The following VWA5B2 variants were observed in gnomAD, a reference collection of about 807,000 sequenced individuals.
VWA5B2 encodes the protein von Willebrand factor A domain containing 5B2.
In VWA5B2, 93 loss-of-function variants were observed where a neutral mutation model predicts 118.5. The ratio of observed to expected loss-of-function variants is 0.79; its 90% CI spans 0.66 to 0.93. VWA5B2 has a LOEUF of 0.93. Ranked by LOEUF, VWA5B2 falls within the 40% of genes least tolerant of loss-of-function variation. The pLI is 0.00. For synonymous variants in VWA5B2, 708 were observed against 716.3 expected, an observed-to-expected ratio of 0.99 and a Z score of 0.19; for missense variants, 1,546 against 1,672.8, an observed-to-expected ratio of 0.92 and a Z score of 1.32.
At position 184,241,975 on chromosome 3, in the gene VWA5B2, A is replaced by C; in HGVS notation, c.3666A>C (p.Leu1222=). 1 of 1,550,284 alleles carries C rather than the reference A, an allele frequency of 6.5e-7. No individual in the cohort carries two copies. The highest frequency in any genetic ancestry group is 1.4e-5 in the African/African-American group (1 of 73,158). Residue 1222 remains leucine (L), a synonymous_variant, in exon 20 of 20, where the codon CTA becomes CTC. Transcript: ENST00000691901. The surrounding 1 kb of genome is among the most constrained non-coding windows in gnomAD (Gnocchi z 5.1). The part of the protein sequence containing the change: ...LKAAARGLFL[L]LRHWDQNLQL... ...CCGCAGCCCGAGGGCTCTTCCTGCT[A>C]CTGCGCCACTGGGACCAAAACCTGC...
Position 184,236,526 on chromosome 3 carries a change from A to G in VWA5B2, c.1396A>G (p.Met466Val). 1 of 1,549,538 alleles carries G rather than the reference A, an allele frequency of 6.5e-7. No homozygotes were observed. Reference protein sequence around the residue: ...AATTHRTLELMRWHRGTARCF... With the variant: ...AATTHRTLELVRWHRGTARCF... Reference sequence around the variant, plus strand: ...CACTACCCACCGAACCCTGGAGCTCATGAGGTGGCACAGGGGGACAGCCAG... The same window carrying G: ...CACTACCCACCGAACCCTGGAGCTCGTGAGGTGGCACAGGGGGACAGCCAG... Residue 466 changes from methionine to valine, a missense_variant, in exon 10 of 20, where the codon ATG becomes GTG. By Grantham distance (21) the Met-to-Val change is conservative. Transcript: ENST00000691901.
chr3:184,231,712 C>T (rs980899410), intron 3 of VWA5B2, among the ~76,000 whole-genome samples: 1 of 152,250 alleles, frequency 6.6e-6, no homozygotes, highest in Non-Finnish European at 1.5e-5. Context: ...AGAAGCCCAG[C>T]CCTGTGCTGT....
Position 184,237,383 on chromosome 3 carries a change from T to C in VWA5B2, c.1691T>C (p.Val564Ala). The change falls in exon 12 of 20, where the codon GTG becomes GCG. Residue 564 changes from valine to alanine, a missense_variant. Transcript: ENST00000691901. The surrounding 1 kb of genome is among the most constrained non-coding windows in gnomAD (Gnocchi z 5.6). Reference protein sequence around the residue: ...QLLGYCSLFRVDGFRSRPPGG... With the variant: ...QLLGYCSLFRADGFRSRPPGG... ...CTCGGTTACTGCTCACTCTTCAGGG[T>C]GGATGGCTTCCGGTCCCGCCCACCA... 2 of 1,550,302 alleles carry C rather than the reference T, an allele frequency of 1.3e-6. No homozygotes were observed. Among genetic ancestry groups the C allele is most frequent in the Non-Finnish European group, 1.7e-6 (2 of 1,146,386 alleles).
At chr3:184,235,039 A>C in intron 7 of VWA5B2, 114 bp from the exon 8 acceptor site, 1 of 1,305,884 alleles carries the variant, frequency 7.7e-7, no homozygotes, top group Non-Finnish European at 1.0e-6. Flanking sequence ...CTACAAAAAG[A>C]TGTCCCCTCT....
In VWA5B2 at chr3:184,234,437, C is replaced by T. The variant is rs1258117542; in HGVS notation, c.820+40C>T. ...CACACCGTGGGCCGGCTCTGACCTG[C>T]TTCTACATGAATGGGGGAAGCATTT... On this transcript the variant is annotated intron_variant, in intron 6 of 19. Coordinates refer to ENST00000691901, the MANE Select transcript of VWA5B2 (RefSeq NM_001390846.1). 5.8e-6 allele frequency: 9 copies of T among 1,547,762 alleles called. No individual in the cohort carries two copies. The Admixed American group carries it at 1.6e-4, about 27-fold the overall frequency.
At chr3:184,236,836 C>G (rs1265611557) in intron 11 of VWA5B2, 87 bp downstream of exon 11, 3 of 1,185,074 alleles carry the variant, frequency 2.5e-6, no homozygotes, top group Middle Eastern at 4.0e-4. Context: ...CTCAGGCAGG[C>G]CATGGGGGCT....
In VWA5B2 at chr3:184,241,684, C is replaced by T; in HGVS notation, c.3375C>T (p.Ser1125=). The T allele has an allele frequency of 6.6e-7, 1 of 1,522,280 alleles. No individual in the cohort carries two copies. The highest frequency in any genetic ancestry group is 8.8e-7 in the Non-Finnish European group (1 of 1,136,592). 94.3% of individuals were successfully genotyped at this position (1,522,280 alleles called of 1,614,324 possible). The stretch of plus-strand genomic sequence containing the variant: ...GCCAGGGTGACAGTGCCACGGCCTC[C>T]TGCAGCCCGTCCCCCAGCTCGGGCT... The part of the protein sequence containing the change: ...GVGQGDSATA[S]CSPSPSSGSE... Residue 1125 remains serine (S), a synonymous_variant, in exon 20 of 20, where the codon TCC becomes TCT. Transcript: ENST00000691901. The surrounding 1 kb of genome is among the most constrained non-coding windows in gnomAD (Gnocchi z 5.1).
Position 184,239,410 on chromosome 3 carries a change from C to A in VWA5B2, c.2219C>A (p.Thr740Asn), listed in dbSNP as rs554135589. 8 of 1,545,038 alleles carry A rather than the reference C, an allele frequency of 5.2e-6. No homozygotes were observed. The Admixed American group carries it at 9.9e-5, about 19-fold the overall frequency. ...CACATGCAGGTGGGGGCCTTGAGTA[C>A]TGAGGTGCTGGGCCGTCAGCACAGA... ...PAPFKVGALSTEVLGRQHRAA... is the reference protein window; with the variant it reads ...PAPFKVGALSNEVLGRQHRAA... Residue 740 changes from threonine (T) to asparagine (N), a missense_variant, in exon 15 of 20, where the codon ACT (threonine) becomes AAT (asparagine). By Grantham distance (65) the Thr-to-Asn change is moderately conservative (BLOSUM62 0). This residue lies in a region of VWA5B2 where 763 missense variants were observed against 766.6 expected (regional missense o/e 1.00). Transcript: ENST00000691901. This position sits in a 1 kb window ranked among gnomAD's most constrained non-coding sequence, Gnocchi z 5.1.
chr3:184,239,409 A>G lies in VWA5B2; in HGVS notation c.2218A>G (p.Thr740Ala). The stretch of plus-strand genomic sequence containing the variant: ...TCACATGCAGGTGGGGGCCTTGAGT[A>G]CTGAGGTGCTGGGCCGTCAGCACAG... ...PAPFKVGALSTEVLGRQHRAA... is the reference protein window; with the variant it reads ...PAPFKVGALSAEVLGRQHRAA... Residue 740 changes from threonine to alanine, a missense_variant, in exon 15 of 20, where the codon ACT becomes GCT. Coordinates refer to ENST00000691901, the MANE Select transcript of VWA5B2 (RefSeq NM_001390846.1). This position sits in a 1 kb window ranked among gnomAD's most constrained non-coding sequence, Gnocchi z 5.1. 6.5e-7 allele frequency: 1 copy of G among 1,544,732 alleles called. No individual in the cohort carries two copies. The highest frequency in any genetic ancestry group is 8.8e-7 in the Non-Finnish European group (1 of 1,142,806).
intron 1 of VWA5B2, among the ~76,000 whole-genome samples, chr3:184,230,030 C>T (rs1172374540): frequency 6.6e-6 from 1 of 152,224 alleles, no homozygotes; most frequent in Non-Finnish European, 1.5e-5. Context: ...ATCCACCCTG[C>T]CCCCGCGATC....
Position 184,236,160 on chromosome 3 carries a change from T to A in VWA5B2, c.1110T>A (p.Ile370=), listed in dbSNP as rs889313466. Residue 370 remains isoleucine, a synonymous_variant, in exon 9 of 20, where the codon ATT becomes ATA. Coordinates refer to ENST00000691901, the MANE Select transcript of VWA5B2 (RefSeq NM_001390846.1). ...TCCCTGGCCCTCCACAGGATGCCATTGTTTTGGCTGTGAAGTCCCTCCCGC... is the reference window on the plus strand; with the variant it reads ...TCCCTGGCCCTCCACAGGATGCCATAGTTTTGGCTGTGAAGTCCCTCCCGC... ...DSSSVAHKDA[I]VLAVKSLPPQ... The A allele has an allele frequency of 1.9e-6, 3 of 1,551,332 alleles. No individual in the cohort carries two copies. The African/African-American group carries it at 4.1e-5, about 21-fold the overall frequency.
chr3:184,236,156 C>T lies in VWA5B2; in HGVS notation c.1106C>T (p.Ala369Val), dbSNP rs773606155. The T allele has an allele frequency of 1.3e-6, 2 of 1,551,290 alleles. No homozygotes were observed. The highest frequency in any genetic ancestry group is 1.2e-5 in the South Asian group (1 of 84,056). ...GCCCTCCCTGGCCCTCCACAGGATG[C>T]CATTGTTTTGGCTGTGAAGTCCCTC... Reference protein sequence around the residue: ...LDSSSVAHKDAIVLAVKSLPP... With the variant: ...LDSSSVAHKDVIVLAVKSLPP... The change falls in exon 9 of 20, where the codon GCC becomes GTC. Residue 369 changes from alanine (A) to valine (V), a missense_variant. Around this residue, in one of 3 missense-constraint regions of VWA5B2, gnomAD observed 775 missense variants for 882.3 expected, o/e 0.88. Transcript: ENST00000691901.
intron 16 of VWA5B2, 36 bp downstream of exon 16, chr3:184,240,072 C>A: frequency 6.8e-7 from 1 of 1,460,192 alleles, no homozygotes; most frequent in Non-Finnish European, 9.1e-7. Context: ...GACCCAAAGG[C>A]ATGGGCTAAA....
rs1186862331 is a variant in VWA5B2 at position 184,237,897 on chromosome 3, A to C, written c.1720-406A>C. Among the ~76,000 whole-genome samples, 3 of 152,298 alleles carry C rather than the reference A, an allele frequency of 2.0e-5. No homozygotes were observed. In the East Asian group the frequency reaches 5.8e-4, roughly 29 times the overall value. The stretch of plus-strand genomic sequence containing the variant: ...TCACTGACCCATTTCCTCATATGGA[A>C]ATGAGGTTTTTCACAGGTGGTTGTC... On this transcript the variant is annotated intron_variant, in intron 12 of 19. Coordinates refer to ENST00000691901, the MANE Select transcript of VWA5B2 (RefSeq NM_001390846.1). This position sits in a 1 kb window ranked among gnomAD's most constrained non-coding sequence, Gnocchi z 5.6.
At chr3:184,240,408 A>G in intron 16 of VWA5B2, 1 of 348,238 alleles carries the variant, frequency 2.9e-6, no homozygotes, top group Non-Finnish European at 5.2e-6. Context: ...CCTCAGTTGC[A>G]CTAACCACAG....
At chr3:184,231,368 C>G (rs1717384612) in intron 3 of VWA5B2, among the ~76,000 whole-genome samples, 1 of 152,222 alleles carries the variant, frequency 6.6e-6, no homozygotes, top group African/African-American at 2.4e-5. Context: ...TCCCAGCGAC[C>G]CCATACACCA....
intron 8 of VWA5B2, 117 bp downstream of exon 8, chr3:184,235,425 C>T (rs1338538481): frequency 1.6e-6 from 2 of 1,232,090 alleles, no homozygotes; most frequent in Non-Finnish European, 2.2e-6. Flanking sequence ...ACACCATCTT[C>T]CAAAGAGGAA....
rs754746641 is a variant in VWA5B2, at chr3:184,237,605, T to C, written c.1719+194T>C. ...AGATGACCACACCCTGTCCCCTTCA[T>C]GGAGTCTTCCACTGAGTTGTCCTGC... On this transcript the variant is annotated intron_variant, in intron 12 of 19. Transcript: ENST00000691901. This position sits in a 1 kb window ranked among gnomAD's most constrained non-coding sequence, Gnocchi z 5.6. Among the ~76,000 whole-genome samples, 9 of 152,178 alleles carry C rather than the reference T, an allele frequency of 5.9e-5. No individual in the cohort carries two copies. Among genetic ancestry groups the C allele is most frequent in the African/African-American group, 1.2e-4 (5 of 41,448 alleles).
At position 184,230,635 on chromosome 3, in the gene VWA5B2, C is replaced by T. The variant is rs1432474038; in HGVS notation, c.107C>T (p.Thr36Ile). The T allele has an allele frequency of 2.2e-6, 3 of 1,366,776 alleles. No individual in the cohort carries two copies. The highest frequency in any genetic ancestry group is 3.0e-5 in the African/African-American group (2 of 65,772). 84.7% of individuals were successfully genotyped at this position (1,366,776 alleles called of 1,614,324 possible). A position where few individuals can be genotyped will look rare whatever the true frequency, so the allele number is the denominator to read the frequency against. Residue 36 changes from threonine (T) to isoleucine (I), a missense_variant, in exon 2 of 20, where the codon ACC becomes ATC. Physicochemically the swap from Thr to Ile is moderately conservative, Grantham distance 89. Transcript: ENST00000691901. ...GPCLSVRARL[T>I]YRNPQPQPVD... ...TGCCTCAGCGTGCGGGCCCGGCTCA[C>T]CTACCGCAACCCGCAGCCGCAGCCG...
Sources: allele counts gnomAD v4.1 joint callset (sites outside exome capture counted in the v4.1 genomes callset), GRCh38; gene constraint gnomAD v4.1.1; regional missense constraint gnomAD v4.1.1; non-coding constraint Gnocchi (gnomAD v3.1); transcripts MANE v1.5; gene names NCBI Gene and HGNC (gene_info 2026-07-23, HGNC 2026-07-21).